Variants in APPL1 observed in about 807,000 individuals in gnomAD.
APPL1 encodes DCC-interacting protein 13-alpha.
APPL1 carries 42 observed loss-of-function variants against 106.8 expected under a neutral mutation model. That is an observed-to-expected ratio of 0.39 (90% CI 0.31 to 0.51). The LOEUF (loss-of-function observed/expected upper bound fraction) is 0.51. APPL1 is among the 20% of genes least tolerant of loss of function. The pLI, the probability that APPL1 is intolerant of heterozygous loss-of-function variation, is 0.75. For missense variants in APPL1, 769 were observed against 858.2 expected (o/e 0.90, Z 1.30); for synonymous variants, 263 against 281.8 (o/e 0.93, Z 0.67).
intron 4 of APPL1, among the ~76,000 whole-genome samples, chr3:57,238,744 A>G (rs2060730108): frequency 1.3e-5 from 2 of 152,214 alleles, no homozygotes; most frequent in South Asian, 4.1e-4. Context: ...CCGGGAAATC[A>G]AGATAAAGAA....
intron 15 of APPL1, among the ~76,000 whole-genome samples, chr3:57,258,301 G>A (rs1479710527): frequency 6.6e-6 from 1 of 152,168 alleles, no homozygotes. Flanking sequence ...GGGACCACAG[G>A]CGTGCGCCAC....
chr3:57,268,970 T>G (rs1017270237), intron 21 of APPL1: 1 of 152,922 alleles, frequency 6.5e-6, no homozygotes, highest in Admixed American at 6.5e-5. Flanking sequence ...ATCCATGAAA[T>G]TGTAAGAGCG....
chr3:57,245,800 C>T lies in APPL1; in HGVS notation c.475-276C>T, dbSNP rs536957602. Among the ~76,000 whole-genome samples, 8 of 152,274 alleles carry T rather than the reference C, an allele frequency of 5.3e-5. 1 individual carries two copies. In the South Asian group the frequency reaches 1.7e-3, roughly 32 times the overall value. ...CCTCAAGTGATCGTCCCGCCTCGGC[C>T]TCCCAAAGTGCTGGGATTACAGGCA... On this transcript the variant is annotated intron_variant, in intron 7 of 21. Transcript: ENST00000288266.
rs192935514 is a variant in APPL1, at chr3:57,246,725, C to T, written c.621+503C>T. Among the ~76,000 whole-genome samples, 49 of 152,186 alleles carry T rather than the reference C, an allele frequency of 3.2e-4. No individual in the cohort carries two copies. The East Asian group carries it at 7.0e-3, about 22-fold the overall frequency. On this transcript the variant is annotated intron_variant, in intron 8 of 21. Coordinates refer to ENST00000288266, the MANE Select transcript of APPL1 (RefSeq NM_012096.3). ...TCAAGAGTTTAAAGAAAATTGAGGG[C>T]AGGCACGGTGCCTTATGCCTATAAT...
Position 57,270,062 on chromosome 3 carries a change from C to A in APPL1, c.*375C>A. The A allele has an allele frequency of 6.3e-6, 1 of 157,612 alleles. No individual in the cohort carries two copies. The highest frequency in any genetic ancestry group is 1.4e-5 in the Non-Finnish European group (1 of 71,452). The allele number at this position is 157,612 out of a possible 1,614,324, so 9.8% of individuals were successfully genotyped here. On this transcript the variant is annotated 3_prime_UTR_variant, in exon 22 of 22. Transcript: ENST00000288266. The stretch of plus-strand genomic sequence containing the variant: ...TCAGGCTTAGACATTCATGGATATG[C>A]TTTTCTTTCATTAGGAACATTTTGC...
chr3:57,261,155 T>A (rs2060863224), intron 19 of APPL1, among the ~76,000 whole-genome samples: 1 of 152,176 alleles, frequency 6.6e-6, no homozygotes, highest in Non-Finnish European at 1.5e-5. Context: ...CATTCCACAC[T>A]CTGCCTCCAC....
At chr3:57,265,177 C>T (rs2060888115) in intron 19 of APPL1, among the ~76,000 whole-genome samples, 1 of 151,966 alleles carries the variant, frequency 6.6e-6, no homozygotes, top group Non-Finnish European at 1.5e-5. Context: ...GAGACAGAGT[C>T]TCATTCTATT....
chr3:57,269,654 A>T lies in APPL1; in HGVS notation c.2097A>T (p.Gly699=), dbSNP rs1182210702. 1 of 1,613,522 alleles carries T rather than the reference A, an allele frequency of 6.2e-7. No individual in the cohort carries two copies. The highest frequency in any genetic ancestry group is 1.3e-5 in the African/African-American group (1 of 74,934). ...SSSQSEESDL[G]EGGKKRESEA ...GCCAGTCAGAAGAGAGTGATTTGGG[A>T]GAAGGAGGAAAGAAGAGAGAATCAG... is the stretch of plus-strand genomic sequence containing the variant. Residue 699 remains glycine, a synonymous_variant, in exon 22 of 22, where the codon GGA becomes GGT. Coordinates refer to ENST00000288266, the MANE Select transcript of APPL1 (RefSeq NM_012096.3).
chr3:57,230,870 C>T, intron 1 of APPL1: 1 of 352,590 alleles, frequency 2.8e-6, no homozygotes. Flanking sequence ...TGGGCACACG[C>T]CACCAAGCTC....
At chr3:57,232,180 G>A (rs749356867) in intron 1 of APPL1, among the ~76,000 whole-genome samples, 12 of 152,192 alleles carry the variant, frequency 7.9e-5, no homozygotes, top group Admixed American at 2.0e-4. Context: ...GATTTTATAT[G>A]TAGATATGTA....
In APPL1 at chr3:57,269,934, G is replaced by C. The variant is rs922266088; in HGVS notation, c.*247G>C. On this transcript the variant is annotated 3_prime_UTR_variant, in exon 22 of 22. Coordinates refer to ENST00000288266, the MANE Select transcript of APPL1 (RefSeq NM_012096.3). The stretch of plus-strand genomic sequence containing the variant: ...GAAACCTGCTCATCTCCCTGAAGCA[G>C]ACTGCTGAGGAATTACATTTGCTCA... The C allele has an allele frequency of 6.8e-6, 2 of 295,494 alleles. No homozygotes were observed. The highest frequency in any genetic ancestry group is 4.3e-5 in the African/African-American group (2 of 46,252). 18.3% of individuals were successfully genotyped at this position (295,494 alleles called of 1,614,324 possible).
intron 11 of APPL1, 147 bp from the exon 12 acceptor site, chr3:57,252,122 T>C: frequency 1.5e-6 from 1 of 672,464 alleles, no homozygotes; most frequent in East Asian, 2.8e-5. Flanking sequence ...CTCCTTTTCC[T>C]AAGATACCGT....
Position 57,257,256 on chromosome 3 carries a change from CCACCGA to C in APPL1, c.1261_1266del (p.Pro421_Thr422del). 1 of 1,611,972 alleles carries C rather than the reference CCACCGA, an allele frequency of 6.2e-7. No homozygotes were observed. Among genetic ancestry groups the C allele is most frequent in the Admixed American group, 1.7e-5 (1 of 59,418 alleles). On this transcript the variant is annotated inframe_deletion, in exon 15 of 22. Transcript: ENST00000288266. ...TTGTTTTATGCTTAGACAATCTCGG[CCACCGA>C]CAGCTCGAACCAGCAGTTCAGGATC... is the stretch of plus-strand genomic sequence containing the variant.
chr3:57,236,477 C>G (rs1176006434), intron 2 of APPL1, among the ~76,000 whole-genome samples: 2 of 151,472 alleles, frequency 1.3e-5, no homozygotes, highest in African/African-American at 4.9e-5. Flanking sequence ...TACAGGCATG[C>G]ACTACTACGC....
intron 19 of APPL1, among the ~76,000 whole-genome samples, chr3:57,265,583 C>CTA (rs1331344081): frequency 6.6e-6 from 1 of 152,194 alleles, no homozygotes; most frequent in African/African-American, 2.4e-5. Context: ...AGAAATGCTA[C>CTA]TAATTGTTGT....
rs1489147242 is a variant in APPL1, at chr3:57,273,355, A to AT, written c.*3674dup. On this transcript the variant is annotated 3_prime_UTR_variant, in exon 22 of 22. Coordinates refer to ENST00000288266, the MANE Select transcript of APPL1 (RefSeq NM_012096.3). The stretch of plus-strand genomic sequence containing the variant: ...GGTATACATGTGGGGTGGAGAACTT[A>AT]TTTTTTCATTTTGTCACAATAGGTA... 6.6e-6 allele frequency: 1 copy of AT among 152,578 alleles called. No individual in the cohort carries two copies. The highest frequency in any genetic ancestry group is 6.6e-5 in the Admixed American group (1 of 15,264). The allele number at this position is 152,578 out of a possible 1,614,324, so 9.5% of individuals were successfully genotyped here. A position where few individuals can be genotyped will look rare whatever the true frequency, so the allele number is the denominator to read the frequency against.
At chr3:57,247,334 C>G in intron 8 of APPL1, 61 bp from the exon 9 acceptor site, 1 of 920,694 alleles carries the variant, frequency 1.1e-6, no homozygotes, top group Non-Finnish European at 1.7e-6. Context: ...ATATGATTTA[C>G]TTTAAGTATT....
Position 57,249,249 on chromosome 3 carries a change from T to G in APPL1, c.864-111T>G. On this transcript the variant is annotated intron_variant, in intron 10 of 21. Transcript: ENST00000288266. ...ATTTATATTTATTTTCTTGGCATCT[T>G]GGTGCCTCTTCGCAAGCCAGTTCAT... The G allele has an allele frequency of 5.0e-6, 5 of 991,670 alleles. No individual in the cohort carries two copies. The South Asian group carries it at 7.9e-5, about 16-fold the overall frequency. 61.4% of individuals were successfully genotyped at this position (991,670 alleles called of 1,614,324 possible).
At chr3:57,249,308 T>C (rs1012369437) in intron 10 of APPL1, 52 bp from the exon 11 acceptor site, 3 of 1,533,810 alleles carry the variant, frequency 2.0e-6, no homozygotes, top group East Asian at 2.3e-5. Flanking sequence ...TAGCTGATGA[T>C]GAGATTTCAG....
Sources: allele counts gnomAD v4.1 joint callset (sites outside exome capture counted in the v4.1 genomes callset), GRCh38; gene constraint gnomAD v4.1.1; transcripts MANE v1.5; gene names NCBI Gene and HGNC (gene_info 2026-07-23, HGNC 2026-07-21).